The following SFMBT1 variants were observed in gnomAD, a reference collection of about 807,000 sequenced individuals.
SFMBT1 encodes the protein Scm like with four mbt domains 1, also known as scm-like with four MBT domains protein 1.
Under a neutral mutation model 108.7 loss-of-function variants are expected in SFMBT1, and 32 were observed. That is an observed-to-expected ratio of 0.29 (90% confidence interval 0.22 to 0.40). The LOEUF (loss-of-function observed/expected upper bound fraction) is 0.40. Ranked by LOEUF, SFMBT1 falls within the 10% of genes least tolerant of loss-of-function variation. The probability of loss-of-function intolerance (pLI) is 1.00; values close to 1 mark genes in which losing one functional copy is unlikely to be tolerated. For missense variants in SFMBT1, 816 were observed against 1,059.6 expected, an observed-to-expected ratio of 0.77 and a Z score of 3.19; for synonymous variants, 348 against 369.5, an observed-to-expected ratio of 0.94 and a Z score of 0.67.
chr3:53,022,386 G>A (rs940032441), intron 1 of SFMBT1, among the ~76,000 whole-genome samples: 13 of 148,182 alleles, frequency 8.8e-5, no homozygotes, highest in African/African-American at 3.0e-4. Context: ...GGAGGTAGAC[G>A]CTGCAGTCAG....
At chr3:52,928,112 A>G (rs922872406) in intron 9 of SFMBT1, 79 bp downstream of exon 9, 14 of 1,543,230 alleles carry the variant, frequency 9.1e-6, no homozygotes, top group Non-Finnish European at 1.2e-5. Flanking sequence ...GGGACAAAAG[A>G]TTTCAGCAAT....
chr3:52,985,918 A>G (rs1388337975), intron 1 of SFMBT1, among the ~76,000 whole-genome samples: 1 of 152,178 alleles, frequency 6.6e-6, no homozygotes, highest in Non-Finnish European at 1.5e-5. Context: ...CAAGGTGGGC[A>G]GATCATTTGA....
chr3:53,013,485 A>G (rs546780231), intron 1 of SFMBT1, among the ~76,000 whole-genome samples: 1 of 151,490 alleles, frequency 6.6e-6, no homozygotes, highest in South Asian at 2.1e-4. Context: ...AACTTTTTTC[A>G]CATTCTAGGA....
intron 1 of SFMBT1, chr3:53,043,124 G>A (rs1176975203): frequency 6.6e-6 from 1 of 152,152 alleles, no homozygotes; most frequent in Non-Finnish European, 1.5e-5. Flanking sequence ...AACAAAATAA[G>A]AATTCACTTA....
At chr3:52,940,502 A>T (rs1430753450) in intron 4 of SFMBT1, among the ~76,000 whole-genome samples, 1 of 152,188 alleles carries the variant, frequency 6.6e-6, no homozygotes, top group Non-Finnish European at 1.5e-5. Flanking sequence ...ATTAAATAAG[A>T]TCAGAATCAT....
At chr3:52,951,418 C>G (rs549607260) in intron 3 of SFMBT1, among the ~76,000 whole-genome samples, 2 of 141,638 alleles carry the variant, frequency 1.4e-5, no homozygotes, top group African/African-American at 5.2e-5. Flanking sequence ...AAAAGAAATT[C>G]TTTTTTTTTT....
intron 1 of SFMBT1, among the ~76,000 whole-genome samples, chr3:52,987,280 C>G (rs1704957847): frequency 6.6e-6 from 1 of 152,108 alleles, no homozygotes. Context: ...AAATAAACCA[C>G]AGTTATATAT....
intron 1 of SFMBT1, among the ~76,000 whole-genome samples, chr3:52,986,471 A>G (rs1704918911): frequency 6.6e-6 from 1 of 152,120 alleles, no homozygotes; most frequent in Non-Finnish European, 1.5e-5. Context: ...ATAGCTGTAC[A>G]AAAATATTTT....
At chr3:52,998,391 C>CA (rs967819603) in intron 1 of SFMBT1, among the ~76,000 whole-genome samples, 10 of 148,656 alleles carry the variant, frequency 6.7e-5, no homozygotes, top group African/African-American at 2.4e-4. Flanking sequence ...GACTCCGTCT[C>CA]AAAAAAAAGA....
chr3:52,934,763 G>T, intron 5 of SFMBT1, 50 bp downstream of exon 5: 1 of 1,464,526 alleles, frequency 6.8e-7, no homozygotes, highest in Non-Finnish European at 9.4e-7. Context: ...AAGATTCTTT[G>T]AAAGATCAGA....
intron 1 of SFMBT1, among the ~76,000 whole-genome samples, chr3:52,977,384 G>A (rs1704553529): frequency 1.3e-5 from 2 of 151,934 alleles, no homozygotes; most frequent in Non-Finnish European, 2.9e-5. Context: ...AGTGGCGGGC[G>A]CCTGTAATCC....
chr3:53,012,049 C>T (rs1256512412), intron 1 of SFMBT1, among the ~76,000 whole-genome samples: 1 of 152,112 alleles, frequency 6.6e-6, no homozygotes, highest in Non-Finnish European at 1.5e-5. Flanking sequence ...ACTACATGAG[C>T]CACTTTGTAT....
chr3:52,923,997 A>C (rs772259397), intron 10 of SFMBT1, among the ~76,000 whole-genome samples: 18 of 152,220 alleles, frequency 1.2e-4, no homozygotes, highest in Non-Finnish European at 2.1e-4. Flanking sequence ...TCATCTACAA[A>C]AGAACAAAAA....
intron 11 of SFMBT1, 95 bp downstream of exon 11, chr3:52,921,606 TTAAC>T (rs1266511704): frequency 2.1e-5 from 27 of 1,310,984 alleles, no homozygotes; most frequent in African/African-American, 3.0e-5. Flanking sequence ...AGATCCCTAT[TTAAC>T]TAATCCATTA....
chr3:52,928,611 T>TATATAC (rs1702741388), intron 8 of SFMBT1: 1 of 59,496 alleles, frequency 1.7e-5, no homozygotes, highest in Non-Finnish European at 4.0e-5. Flanking sequence ...CATATATACA[T>TATATAC]ATATATACAT....
In SFMBT1 at chr3:52,968,017, G is replaced by T. The variant is rs553629958; in HGVS notation, c.28+1084C>A. On this transcript the variant is annotated intron_variant, in intron 2 of 20. Coordinates refer to ENST00000394752, the MANE Select transcript of SFMBT1 (RefSeq NM_016329.4). ...ATTGTTAATAGCAACTTATGTGTTG[G>T]TAAGAGCCAAAAACTGGAAACAACC... Among the ~76,000 whole-genome samples, 64 of 152,258 alleles carry T rather than the reference G, an allele frequency of 4.2e-4. No individual in the cohort carries two copies. In the South Asian group the frequency reaches 0.012, roughly 28 times the overall value.
intron 1 of SFMBT1, among the ~76,000 whole-genome samples, chr3:53,042,750 T>C (rs1203764255): frequency 6.6e-6 from 1 of 152,240 alleles, no homozygotes. Flanking sequence ...TAGTTGCTTC[T>C]CTTAAAAATG....
In SFMBT1 at chr3:52,954,407, G is replaced by A. The variant is rs143813595; in HGVS notation, c.33C>T (p.Ala11=). MNGEQQLDAD[A]GSGMEEVELS... ...ATTCTACCTCTTCCATACCAGAGCC[G>A]GCATCTAGAATTAAAAATAAAACAA... is the stretch of plus-strand genomic sequence containing the variant. Residue 11 remains alanine, a synonymous_variant, in exon 3 of 21, where the codon GCC becomes GCT. Coordinates refer to ENST00000394752, the MANE Select transcript of SFMBT1 (RefSeq NM_016329.4). 66 of 1,611,030 alleles carry A rather than the reference G, an allele frequency of 4.1e-5. No individual in the cohort carries two copies. Among genetic ancestry groups the A allele is most frequent in the African/African-American group, 9.4e-5 (7 of 74,782 alleles).
chr3:52,956,051 A>G (rs1703769634), intron 2 of SFMBT1, among the ~76,000 whole-genome samples: 1 of 152,258 alleles, frequency 6.6e-6, no homozygotes, highest in Admixed American at 6.5e-5. Context: ...CTGGTTCAAC[A>G]GACGCAAATC....
Sources: gnomAD v4.1 joint callset for allele counts (sites outside exome capture counted in the v4.1 genomes callset) on GRCh38, gnomAD v4.1.1 for gene constraint, MANE v1.5 for transcripts, NCBI Gene and HGNC (gene_info 2026-07-23, HGNC 2026-07-21) for gene names.